Variants in UBE3D observed in about 807,000 individuals in gnomAD.
The protein encoded by UBE3D is ubiquitin protein ligase E3D.
Under a neutral mutation model 49.6 loss-of-function variants are expected in UBE3D, and 48 were observed. The observed-to-expected ratio is 0.97, with a 90% CI of 0.77 to 1.23. UBE3D has a LOEUF of 1.23. Ranked by LOEUF, UBE3D falls within the 50% of genes most tolerant of loss-of-function variation. The probability of loss-of-function intolerance (pLI) is 0.00; values close to 1 mark genes in which losing one functional copy is unlikely to be tolerated. For synonymous variants in UBE3D, 189 were observed against 174.2 expected, an observed-to-expected ratio of 1.08 and a Z score of -0.67; for missense variants, 452 against 468.4, an observed-to-expected ratio of 0.96 and a Z score of 0.32.
intron 9 of UBE3D, among the ~76,000 whole-genome samples, chr6:82,914,977 A>G (rs910957942): frequency 6.6e-6 from 1 of 152,166 alleles, no homozygotes; most frequent in African/African-American, 2.4e-5. Flanking sequence ...GGGTGTTGCT[A>G]TAGTTGTACC....
chr6:82,983,752 C>G (rs894579952), intron 8 of UBE3D, among the ~76,000 whole-genome samples: 3 of 152,108 alleles, frequency 2.0e-5, no homozygotes, highest in Non-Finnish European at 2.9e-5. Flanking sequence ...TTTATTACTA[C>G]CACACTGTCA....
intron 8 of UBE3D, among the ~76,000 whole-genome samples, chr6:83,003,335 C>G (rs1201365926): frequency 6.6e-6 from 1 of 152,042 alleles, no homozygotes; most frequent in African/African-American, 2.4e-5. Context: ...AGATTCTCCT[C>G]AAGGAAGCAA....
rs146441291 is a variant in UBE3D at position 82,934,244 on chromosome 6, C to T, written c.1149+23068G>A. 2.6e-3 allele frequency among the ~76,000 whole-genome samples: 400 copies of T among 152,326 alleles called. 3 individuals are homozygous for T. The highest frequency in any genetic ancestry group is 9.0e-3 in the African/African-American group (373 of 41,576). On this transcript the variant is annotated intron_variant, in intron 9 of 9. Transcript: ENST00000369747. The stretch of plus-strand genomic sequence containing the variant: ...TATAAATTTCCTGAGACCTCCCCAG[C>T]CACGTGGAACTGTAAGTCAATTAAA...
chr6:83,046,577 T>C (rs1783049906), intron 3 of UBE3D, among the ~76,000 whole-genome samples: 1 of 149,008 alleles, frequency 6.7e-6, no homozygotes, highest in Non-Finnish European at 1.5e-5. Flanking sequence ...AAGGTACTCA[T>C]GTTCTAGTAA....
intron 8 of UBE3D, among the ~76,000 whole-genome samples, chr6:82,976,530 T>A (rs1226751822): frequency 1.3e-5 from 2 of 152,158 alleles, no homozygotes; most frequent in Non-Finnish European, 2.9e-5. Context: ...CCAACCTGTT[T>A]AAGTTTTTAC....
chr6:82,924,197 T>C (rs1399438510), intron 9 of UBE3D, among the ~76,000 whole-genome samples: 10 of 152,064 alleles, frequency 6.6e-5, no homozygotes, highest in Non-Finnish European at 7.4e-5. Flanking sequence ...AAAAGGTACA[T>C]AATAATAAAA....
chr6:83,040,048 T>C (rs1782547573), intron 4 of UBE3D, among the ~76,000 whole-genome samples: 1 of 152,150 alleles, frequency 6.6e-6, no homozygotes, highest in South Asian at 2.1e-4. Flanking sequence ...TGTTTGTGTA[T>C]GTGTGCATGA....
At chr6:83,052,987 A>C (rs1323698346) in intron 3 of UBE3D, among the ~76,000 whole-genome samples, 1 of 152,266 alleles carries the variant, frequency 6.6e-6, no homozygotes, top group Admixed American at 6.5e-5. Context: ...CATGCTATGA[A>C]GAAAGTAGCA....
intron 9 of UBE3D, among the ~76,000 whole-genome samples, chr6:82,918,299 A>AG (rs1207752689): frequency 2.0e-5 from 3 of 151,490 alleles, no homozygotes; most frequent in Non-Finnish European, 4.4e-5. Context: ...ACAAAAAAAA[A>AG]ACAAAAAAAT....
intron 5 of UBE3D, among the ~76,000 whole-genome samples, chr6:83,030,300 G>A (rs1781774528): frequency 6.6e-6 from 1 of 152,116 alleles, no homozygotes; most frequent in Admixed American, 6.6e-5. Flanking sequence ...ATGTATCATG[G>A]GAGGGACCCA....
intron 5 of UBE3D, among the ~76,000 whole-genome samples, chr6:83,034,526 G>T (rs1233920877): frequency 1.3e-5 from 2 of 152,132 alleles, no homozygotes; most frequent in Non-Finnish European, 2.9e-5. Context: ...TAATCCCCAT[G>T]TGTTAAAGTT....
intron 5 of UBE3D, among the ~76,000 whole-genome samples, chr6:83,034,568 G>T (rs1448124172): frequency 2.6e-5 from 4 of 152,028 alleles, no homozygotes; most frequent in African/African-American, 9.7e-5. Flanking sequence ...GGATCATGGG[G>T]GTGGTCTCTA....
At chr6:82,917,813 A>G (rs1350864034) in intron 9 of UBE3D, among the ~76,000 whole-genome samples, 3 of 152,190 alleles carry the variant, frequency 2.0e-5, no homozygotes, top group Admixed American at 2.0e-4. Flanking sequence ...CAGAACTCTC[A>G]GGGCTGCTGG....
At chr6:82,992,919 G>A (rs1778991418) in intron 8 of UBE3D, among the ~76,000 whole-genome samples, 1 of 151,950 alleles carries the variant, frequency 6.6e-6, no homozygotes, top group South Asian at 2.1e-4. Context: ...CATAATACTA[G>A]ATACAGATTA....
chr6:83,020,175 A>G (rs1780985614), intron 7 of UBE3D, among the ~76,000 whole-genome samples: 2 of 152,206 alleles, frequency 1.3e-5, no homozygotes, highest in African/African-American at 2.4e-5. Flanking sequence ...AGAAGTACTA[A>G]AAGACACAGG....
chr6:82,987,468 C>T (rs1778602398), intron 8 of UBE3D, among the ~76,000 whole-genome samples: 1 of 152,108 alleles, frequency 6.6e-6, no homozygotes, highest in African/African-American at 2.4e-5. Flanking sequence ...TTTCCATTAG[C>T]TACTATCTCC....
intron 8 of UBE3D, among the ~76,000 whole-genome samples, chr6:83,007,291 C>T (rs1391496364): frequency 6.6e-6 from 1 of 152,090 alleles, no homozygotes; most frequent in African/African-American, 2.4e-5. Context: ...AATTGTTCTT[C>T]TCAGCTCAAA....
intron 7 of UBE3D, among the ~76,000 whole-genome samples, chr6:83,019,903 T>G (rs1457745905): frequency 6.6e-6 from 1 of 152,156 alleles, no homozygotes; most frequent in African/African-American, 2.4e-5. Context: ...AGGGAGGGAC[T>G]GTGGCGGACA....
chr6:82,896,593 G>T (rs1173289490), intron 9 of UBE3D, among the ~76,000 whole-genome samples: 1 of 152,140 alleles, frequency 6.6e-6, no homozygotes, highest in Non-Finnish European at 1.5e-5. Flanking sequence ...TGGCCAGGTT[G>T]ATGTATCATT....
Sources: allele counts gnomAD v4.1 joint callset (sites outside exome capture counted in the v4.1 genomes callset), GRCh38; gene constraint gnomAD v4.1.1; transcripts MANE v1.5; gene names NCBI Gene and HGNC (gene_info 2026-07-23, HGNC 2026-07-21).